Variants in CDH13 observed in about 807,000 individuals in gnomAD.
The protein encoded by CDH13 is cadherin 13.
Under a neutral mutation model 63.8 loss-of-function variants are expected in CDH13, and 24 were observed. The observed-to-expected ratio is 0.38, with a 90% CI of 0.27 to 0.53. The LOEUF (loss-of-function observed/expected upper bound fraction) is 0.53, where lower values mean the gene tolerates loss of function less well. CDH13 is among the 20% of genes least tolerant of loss of function. The pLI is 0.85. For synonymous variants in CDH13, 503 were observed against 355.3 expected, an observed-to-expected ratio of 1.42 and a Z score of -4.67; for missense variants, 1,049 against 903.1, an observed-to-expected ratio of 1.16 and a Z score of -2.07.
chr16:83,284,449 G>A (rs541781376), intron 5 of CDH13, among the ~76,000 whole-genome samples: 1 of 152,296 alleles, frequency 6.6e-6, no homozygotes, highest in East Asian at 1.9e-4. Context: ...TCTAGTGCCA[G>A]CTACTTAGTG....
chr16:83,264,516 ATATG>A (rs1567549077), intron 5 of CDH13, among the ~76,000 whole-genome samples: 2 of 148,044 alleles, frequency 1.4e-5, no homozygotes, highest in East Asian at 2.0e-4. Flanking sequence ...ATGTGTGTGT[ATATG>A]TATATATGTA....
At chr16:82,854,203 C>T (rs951600044) in intron 1 of CDH13, among the ~76,000 whole-genome samples, 1 of 151,870 alleles carries the variant, frequency 6.6e-6, no homozygotes, top group Non-Finnish European at 1.5e-5. Context: ...ATCGAGACCA[C>T]CCTGGCCAAC....
chr16:83,386,506 G>A (rs571050870), intron 6 of CDH13, among the ~76,000 whole-genome samples: 32 of 152,294 alleles, frequency 2.1e-4, no homozygotes, highest in African/African-American at 7.7e-4. Context: ...ATATAAAAGA[G>A]GTGTTGGTTC....
At chr16:83,100,453 T>C (rs2034421531) in intron 3 of CDH13, among the ~76,000 whole-genome samples, 1 of 152,172 alleles carries the variant, frequency 6.6e-6, no homozygotes, top group East Asian at 1.9e-4. Context: ...TTTTTTCATT[T>C]CATGCAGCAT....
intron 1 of CDH13, among the ~76,000 whole-genome samples, chr16:82,679,610 G>T (rs1467766484): frequency 2.0e-5 from 3 of 152,116 alleles, no homozygotes; most frequent in African/African-American, 7.2e-5. Flanking sequence ...AGACTCCCCT[G>T]GTTTTGGAAT....
intron 2 of CDH13, among the ~76,000 whole-genome samples, chr16:82,906,438 T>C (rs183493124): frequency 3.9e-5 from 6 of 152,290 alleles, no homozygotes; most frequent in African/African-American, 1.4e-4. Flanking sequence ...AACCCACTTG[T>C]ACTGTAAGAG....
intron 12 of CDH13, among the ~76,000 whole-genome samples, chr16:83,782,104 C>G (rs376281099): frequency 7.9e-4 from 121 of 152,218 alleles, no homozygotes; most frequent in African/African-American, 2.7e-3. Context: ...TGTCATTACT[C>G]TCTTGTTTTT....
chr16:83,298,251 GA>G (rs751112222), intron 5 of CDH13, among the ~76,000 whole-genome samples: 1 of 151,540 alleles, frequency 6.6e-6, no homozygotes, highest in Non-Finnish European at 1.5e-5. Context: ...AACACAAGAC[GA>G]GACAAAATGA....
chr16:83,780,058 A>T lies in CDH13; in HGVS notation c.1772A>T (p.Glu591Val). The T allele has an allele frequency of 6.2e-7, 1 of 1,613,952 alleles. No homozygotes were observed. Among genetic ancestry groups the T allele is most frequent in the Non-Finnish European group, 8.5e-7 (1 of 1,179,882 alleles). ...CCGTTCATTTACCCCACAGTAGCTG[A>T]AGTCTGTGATGATGCCAAAAACCTC... ...NAPFIYPTVAEVCDDAKNLSV... is the reference protein window; with the variant it reads ...NAPFIYPTVAVVCDDAKNLSV... Residue 591 changes from glutamate (E) to valine (V), a missense_variant, in exon 12 of 14, where the codon GAA (glutamate) becomes GTA (valine). Coordinates refer to ENST00000567109, the MANE Select transcript of CDH13 (RefSeq NM_001257.5).
At chr16:83,169,115 T>C (rs569450112) in intron 4 of CDH13, among the ~76,000 whole-genome samples, 18 of 152,240 alleles carry the variant, frequency 1.2e-4, no homozygotes, top group South Asian at 4.2e-4. Flanking sequence ...AACACTATGG[T>C]ATATGACATC....
At chr16:83,782,680 G>A (rs997715620) in intron 12 of CDH13, among the ~76,000 whole-genome samples, 1 of 149,582 alleles carries the variant, frequency 6.7e-6, no homozygotes, top group Non-Finnish European at 1.5e-5. Context: ...AGGTTGCAAT[G>A]AGCCAAGATT....
chr16:82,685,689 G>C (rs989253796), intron 1 of CDH13, among the ~76,000 whole-genome samples: 1 of 152,166 alleles, frequency 6.6e-6, no homozygotes, highest in South Asian at 2.1e-4. Context: ...CTGTGAGGGG[G>C]CCAGCAGGTG....
intron 6 of CDH13, among the ~76,000 whole-genome samples, chr16:83,419,166 C>T (rs1040143154): frequency 2.6e-5 from 4 of 152,142 alleles, no homozygotes; most frequent in African/African-American, 9.7e-5. Context: ...TTCATGAAAT[C>T]TGTGACCAGC....
intron 6 of CDH13, among the ~76,000 whole-genome samples, chr16:83,440,253 T>G (rs2072442370): frequency 6.6e-6 from 1 of 152,198 alleles, no homozygotes; most frequent in Non-Finnish European, 1.5e-5. Flanking sequence ...GAAAGGAGTT[T>G]GGTTATTCAT....
intron 10 of CDH13, among the ~76,000 whole-genome samples, chr16:83,727,275 A>C (rs988535348): frequency 2.1e-5 from 2 of 94,006 alleles, no homozygotes; most frequent in African/African-American, 1.1e-4. Flanking sequence ...ATCAGCTAAC[A>C]TGTGATATCC....
chr16:83,765,043 C>T (rs1448370990), intron 11 of CDH13, among the ~76,000 whole-genome samples: 2 of 152,246 alleles, frequency 1.3e-5, no homozygotes, highest in Non-Finnish European at 2.9e-5. Flanking sequence ...ATGAAGCCTT[C>T]TGATCTATCC....
At chr16:83,462,439 A>G (rs1273431544) in intron 6 of CDH13, among the ~76,000 whole-genome samples, 1 of 152,196 alleles carries the variant, frequency 6.6e-6, no homozygotes, top group Admixed American at 6.5e-5. Context: ...TTACTATTGC[A>G]GAAGGTGGTG....
rs77501182 is a variant in CDH13 at position 83,355,766 on chromosome 16, T to C, written c.781+10760T>C. 7.4e-3 allele frequency among the ~76,000 whole-genome samples: 1,122 copies of C among 152,266 alleles called. 9 individuals are homozygous for C. The highest frequency in any genetic ancestry group is 0.012 in the Non-Finnish European group (810 of 68,012). On this transcript the variant is annotated intron_variant, in intron 6 of 13. Transcript: ENST00000567109. ...GAAGTCAGTAAATAAAGCATCACTG[T>C]TACACAGGGGAACGTCAGTTTTCAA... is the stretch of plus-strand genomic sequence containing the variant.
intron 5 of CDH13, among the ~76,000 whole-genome samples, chr16:83,314,543 G>A (rs1397910863): frequency 6.6e-6 from 1 of 151,936 alleles, no homozygotes; most frequent in Admixed American, 6.6e-5. Context: ...CCCTGAGATG[G>A]CATGTCAGTG....
Sources: gnomAD v4.1 joint callset for allele counts (sites outside exome capture counted in the v4.1 genomes callset) on GRCh38, gnomAD v4.1.1 for gene constraint, MANE v1.5 for transcripts, NCBI Gene and HGNC (gene_info 2026-07-23, HGNC 2026-07-21) for gene names.